The following MTUS2 variants were observed in gnomAD, a reference collection of about 807,000 sequenced individuals.
MTUS2 encodes microtubule associated scaffold protein 2.
In MTUS2, 40 loss-of-function variants were observed where a neutral mutation model predicts 114.1. That is an observed-to-expected ratio of 0.35 (90% CI 0.27 to 0.46). The LOEUF (loss-of-function observed/expected upper bound fraction) is 0.46. Among genes scored for constraint, MTUS2 ranks in the 20% least tolerant of loss-of-function variants. MTUS2 has a pLI of 1.00. For missense variants in MTUS2, 1,679 were observed against 1,705.4 expected, an observed-to-expected ratio of 0.98 and a Z score of 0.27; for synonymous variants, 688 against 672.0, an observed-to-expected ratio of 1.02 and a Z score of -0.37.
chr13:28,936,265 C>T (rs1279627763), intron 2 of MTUS2, among the ~76,000 whole-genome samples: 1 of 152,170 alleles, frequency 6.6e-6, no homozygotes, highest in Non-Finnish European at 1.5e-5. Flanking sequence ...TACCCCTGCA[C>T]CCTAAGCCTT....
rs73437281 is a variant in MTUS2, at chr13:28,924,492, A to G, written c.-243+84642A>G. On this transcript the variant is annotated intron_variant, in intron 2 of 15. Transcript: ENST00000612955. ...GCTCTGCTGTGTCTGGCCAAGGTCA[A>G]AGTCCCAATAGGCTGAATTAATGTT... Among the ~76,000 whole-genome samples the G allele has an allele frequency of 9.8e-3, 1,488 of 152,284 alleles. 25 individuals are homozygous for G. Among genetic ancestry groups the G allele is most frequent in the African/African-American group, 0.034 (1,403 of 41,558 alleles).
intron 8 of MTUS2, chr13:29,428,540 C>T: frequency 1.8e-6 from 1 of 546,490 alleles, no homozygotes; most frequent in Non-Finnish European, 3.1e-6. Flanking sequence ...TTTGCCTCAC[C>T]CTGAGGACTC....
chr13:29,105,318 C>T (rs146204747), intron 5 of MTUS2, among the ~76,000 whole-genome samples: 6 of 151,996 alleles, frequency 3.9e-5, no homozygotes, highest in Non-Finnish European at 7.4e-5. Context: ...GGAACATGTG[C>T]GGAGGGAAAA....
intron 8 of MTUS2, among the ~76,000 whole-genome samples, chr13:29,360,205 T>C (rs1056580233): frequency 5.3e-5 from 8 of 152,172 alleles, no homozygotes; most frequent in Non-Finnish European, 1.2e-4. Context: ...TAAACATAAG[T>C]GCACATTTTT....
intron 6 of MTUS2, among the ~76,000 whole-genome samples, chr13:29,315,622 T>C (rs1391072078): frequency 1.3e-5 from 2 of 152,128 alleles, no homozygotes; most frequent in African/African-American, 4.8e-5. Context: ...TAGAAAAGGG[T>C]GACAACTGGA....
chr13:28,979,969 G>A (rs1425974089), intron 2 of MTUS2, among the ~76,000 whole-genome samples: 1 of 152,100 alleles, frequency 6.6e-6, no homozygotes, highest in Admixed American at 6.5e-5. Flanking sequence ...AAGAGAATTA[G>A]GGAGGTACTC....
intron 10 of MTUS2, among the ~76,000 whole-genome samples, chr13:29,484,452 T>C (rs1881442251): frequency 6.6e-6 from 1 of 152,186 alleles, no homozygotes. Flanking sequence ...GAGGAGGCGG[T>C]GCAGTGGAGA....
chr13:29,250,328 T>C (rs4769707), intron 5 of MTUS2: 137,337 of 151,996 alleles, frequency 0.9, 62,644 homozygotes, highest in Non-Finnish European at 0.97. Context: ...AACAAGAACA[T>C]GAGTTTCAGT....
At chr13:28,987,187 G>A (rs1384193260) in intron 2 of MTUS2, among the ~76,000 whole-genome samples, 1 of 152,196 alleles carries the variant, frequency 6.6e-6, no homozygotes, top group Admixed American at 6.5e-5. Context: ...CAGCCTACAG[G>A]TGGTAGTGAG....
intron 4 of MTUS2, 87 bp downstream of exon 4, chr13:29,034,212 T>C: frequency 6.4e-7 from 1 of 1,558,226 alleles, no homozygotes. Context: ...AAAATATGAA[T>C]GCCTTTCATC....
chr13:29,274,182 C>T (rs923943621), intron 5 of MTUS2, among the ~76,000 whole-genome samples: 2 of 152,036 alleles, frequency 1.3e-5, no homozygotes, highest in Admixed American at 6.5e-5. Context: ...GTTGTGGTCT[C>T]GGCTTGCTGC....
At position 29,458,616 on chromosome 13, in the gene MTUS2, C is replaced by T. The variant is rs550835781; in HGVS notation, c.3184+18567C>T. Among the ~76,000 whole-genome samples, 11 of 152,284 alleles carry T rather than the reference C, an allele frequency of 7.2e-5. No homozygotes were observed. In the East Asian group the frequency reaches 2.1e-3, roughly 29 times the overall value. On this transcript the variant is annotated intron_variant, in intron 9 of 15. Transcript: ENST00000612955. ...TACAGCTTTAACTACCACCTATAAA[C>T]CACTCTCTCCCAATCTCTAGCCCTA... is the stretch of plus-strand genomic sequence containing the variant.
At chr13:29,171,979 G>A (rs1893581169) in intron 5 of MTUS2, among the ~76,000 whole-genome samples, 1 of 152,204 alleles carries the variant, frequency 6.6e-6, no homozygotes, top group African/African-American at 2.4e-5. Flanking sequence ...GGGAAGGCTG[G>A]GAAAGGTCCT....
chr13:29,165,625 T>A (rs1164868800), intron 5 of MTUS2, among the ~76,000 whole-genome samples: 1 of 152,246 alleles, frequency 6.6e-6, no homozygotes, highest in African/African-American at 2.4e-5. Flanking sequence ...AAACACTTGC[T>A]GTGTTTTCAA....
intron 6 of MTUS2, among the ~76,000 whole-genome samples, chr13:29,290,609 C>T (rs573946450): frequency 1.3e-5 from 2 of 152,296 alleles, no homozygotes; most frequent in Admixed American, 6.5e-5. Context: ...GGATTACAGG[C>T]GTTAACCACC....
chr13:29,232,325 C>T (rs4769007), intron 5 of MTUS2, among the ~76,000 whole-genome samples: 108,919 of 151,540 alleles, frequency 0.72, 39,665 homozygotes, highest in East Asian at 0.89. Flanking sequence ...CACACACACG[C>T]ACACATACAC....
intron 2 of MTUS2, among the ~76,000 whole-genome samples, chr13:28,948,270 G>A (rs190999129): frequency 3.1e-4 from 47 of 152,178 alleles, no homozygotes; most frequent in African/African-American, 1.1e-3. Context: ...ACCTCAGGTG[G>A]TCGATAAATG....
chr13:28,945,425 T>G (rs1882475249), intron 2 of MTUS2, among the ~76,000 whole-genome samples: 1 of 152,218 alleles, frequency 6.6e-6, no homozygotes, highest in Non-Finnish European at 1.5e-5. Context: ...CCACAGAGGT[T>G]GTACTAATTT....
intron 8 of MTUS2, among the ~76,000 whole-genome samples, chr13:29,379,415 C>T (rs1249770465): frequency 6.6e-6 from 1 of 152,102 alleles, no homozygotes; most frequent in African/African-American, 2.4e-5. Flanking sequence ...TGGGTCAGAA[C>T]AAGATGGGAC....
Sources: allele counts gnomAD v4.1 joint callset (sites outside exome capture counted in the v4.1 genomes callset), GRCh38; gene constraint gnomAD v4.1.1; transcripts MANE v1.5; gene names NCBI Gene and HGNC (gene_info 2026-07-23, HGNC 2026-07-21).